The following USP30 variants were observed in gnomAD, a reference collection of about 807,000 sequenced individuals.
USP30 encodes ubiquitin carboxyl-terminal hydrolase 30.
Under a neutral mutation model 68.2 loss-of-function variants are expected in USP30, and 41 were observed. The observed-to-expected ratio is 0.60, with a 90% CI of 0.47 to 0.78. The LOEUF is 0.78. USP30 is among the 30% of genes least tolerant of loss of function. USP30 has a pLI of 0.00. For missense variants in USP30, 522 were observed against 649.4 expected, an observed-to-expected ratio of 0.80 and a Z score of 2.13; for synonymous variants, 229 against 253.7, an observed-to-expected ratio of 0.90 and a Z score of 0.93.
chr12:109,075,797 G>GAC (rs2041583589), intron 7 of USP30, among the ~76,000 whole-genome samples: 1 of 146,878 alleles, frequency 6.8e-6, no homozygotes, highest in African/African-American at 2.5e-5. Flanking sequence ...TTTGCAAAGT[G>GAC]TCTGTTCAGC....
chr12:109,081,643 A>G, intron 8 of USP30: 1 of 593,726 alleles, frequency 1.7e-6, no homozygotes. Context: ...ACACACACAC[A>G]CACACACACA....
intron 12 of USP30, among the ~76,000 whole-genome samples, chr12:109,085,433 CACAT>C (rs770704525): frequency 7.6e-4 from 116 of 152,266 alleles, no homozygotes; most frequent in Middle Eastern, 3.4e-3. Flanking sequence ...TGTACATAAA[CACAT>C]ACACTCATTG....
At chr12:109,042,081 T>A (rs1026344313) in intron 3 of USP30, among the ~76,000 whole-genome samples, 1 of 151,694 alleles carries the variant, frequency 6.6e-6, no homozygotes, top group African/African-American at 2.4e-5. Flanking sequence ...AAGAGGCATA[T>A]CCTTTTAGTC....
Position 109,057,911 on chromosome 12 carries a change from C to T in USP30, c.194-15C>T, listed in dbSNP as rs2040924980. 1 of 1,608,876 alleles carries T rather than the reference C, an allele frequency of 6.2e-7. No individual in the cohort carries two copies. Among genetic ancestry groups the T allele is most frequent in the Admixed American group, 1.7e-5 (1 of 58,850 alleles). ...GTGATATACTGTTCTCTTCTTCCCC[C>T]TGCTTTTTTTTTAGGGCTTGTGCCT... On this transcript the variant is annotated splice_polypyrimidine_tract_variant and intron_variant, in intron 2 of 12. Transcript: ENST00000257548.
At chr12:109,042,030 T>C (rs899337555) in intron 3 of USP30, among the ~76,000 whole-genome samples, 3 of 152,154 alleles carry the variant, frequency 2.0e-5, no homozygotes, top group African/African-American at 7.2e-5. Flanking sequence ...TTAAAATTAC[T>C]AGTAATTTTA....
At chr12:109,081,255 C>T in intron 7 of USP30, 79 bp from the exon 8 acceptor site, 1 of 1,350,066 alleles carries the variant, frequency 7.4e-7, no homozygotes, top group Non-Finnish European at 1.1e-6. Context: ...TAAACTGTTT[C>T]ATAGTCACAT....
At position 109,054,285 on chromosome 12, in the gene USP30, C is replaced by T. The variant is rs185108006; in HGVS notation, c.83+1524C>T. ...CCTGTAATCCCAGCTCTTTGGAAGG[C>T]TGAGGCAGGTGGATTTCTTGAGCTC... On this transcript the variant is annotated intron_variant, in intron 1 of 12. Transcript: ENST00000257548. Among the ~76,000 whole-genome samples the T allele has an allele frequency of 3.3e-3, 504 of 152,282 alleles. 5 individuals carry two copies. The highest frequency in any genetic ancestry group is 0.021 in the South Asian group (103 of 4,830).
intron 7 of USP30, 127 bp downstream of exon 7, chr12:109,073,659 A>C (rs564452304): frequency 5.2e-6 from 4 of 772,384 alleles, no homozygotes; most frequent in Non-Finnish European, 8.5e-6. Context: ...TCTGCACACT[A>C]GTGGACTGAC....
At chr12:109,077,827 G>GC (rs1001314737) in intron 7 of USP30, among the ~76,000 whole-genome samples, 3 of 151,796 alleles carry the variant, frequency 2.0e-5, no homozygotes, top group African/African-American at 7.3e-5. Flanking sequence ...GTTTGTGTTG[G>GC]GGGGGGAGGG....
intron 12 of USP30, 56 bp from the exon 13 acceptor site, chr12:109,085,611 C>A: frequency 6.3e-7 from 1 of 1,590,656 alleles, no homozygotes; most frequent in South Asian, 1.1e-5. Context: ...TTGTTTTTGC[C>A]TATAAAGTCT....
intron 3 of USP30, among the ~76,000 whole-genome samples, chr12:109,033,575 G>A (rs2040497295): frequency 2.6e-5 from 4 of 151,990 alleles, no homozygotes; most frequent in African/African-American, 9.7e-5. Context: ...GTTTCAGTTG[G>A]GTATGACAAG....
chr12:109,024,507 C>T (rs2040429744), intron 1 of USP30, among the ~76,000 whole-genome samples: 1 of 152,200 alleles, frequency 6.6e-6, no homozygotes, highest in African/African-American at 2.4e-5. Context: ...ATCAACCTGC[C>T]TCGGCCTCCC....
intron 3 of USP30, among the ~76,000 whole-genome samples, chr12:109,034,408 G>A (rs2040504025): frequency 6.6e-6 from 1 of 152,112 alleles, no homozygotes; most frequent in Admixed American, 6.6e-5. Flanking sequence ...CTTGAGGAAT[G>A]TTTCATAAGC....
intron 7 of USP30, among the ~76,000 whole-genome samples, chr12:109,079,903 T>G (rs1223886178): frequency 6.6e-6 from 1 of 152,218 alleles, no homozygotes; most frequent in African/African-American, 2.4e-5. Flanking sequence ...TGTTTGGTAA[T>G]TTTTTATTGT....
In USP30 at chr12:109,069,592, A is replaced by G. The variant is rs566290446; in HGVS notation, c.480+1965A>G. 1.4e-4 allele frequency among the ~76,000 whole-genome samples: 22 copies of G among 152,354 alleles called. No homozygotes were observed. The East Asian group carries it at 2.3e-3, about 16-fold the overall frequency. On this transcript the variant is annotated intron_variant, in intron 4 of 12. Coordinates refer to ENST00000257548, the MANE Select transcript of USP30 (RefSeq NM_032663.5). ...CCTGGGGTGGGGACTGTCGAGGGCAATGGAGTCGTAGCAGCAGACATGACT... is the reference window on the plus strand; with the variant it reads ...CCTGGGGTGGGGACTGTCGAGGGCAGTGGAGTCGTAGCAGCAGACATGACT...
Position 109,070,144 on chromosome 12 carries a change from G to A in USP30, c.481-1468G>A, listed in dbSNP as rs1271078928. Among the ~76,000 whole-genome samples, 2 of 152,136 alleles carry A rather than the reference G, an allele frequency of 1.3e-5. No homozygotes were observed. Among genetic ancestry groups the A allele is most frequent in the Admixed American group, 6.5e-5 (1 of 15,278 alleles). Reference sequence around the variant, plus strand: ...TCTGACTTGTTAGAAAAGGAAGGCTGGAGGGGCAAGAATGCAAGCCGAGAG... The same window carrying A: ...TCTGACTTGTTAGAAAAGGAAGGCTAGAGGGGCAAGAATGCAAGCCGAGAG... On this transcript the variant is annotated intron_variant, in intron 4 of 12. Coordinates refer to ENST00000257548, the MANE Select transcript of USP30 (RefSeq NM_032663.5). The surrounding 1 kb of genome is among the most constrained non-coding windows in gnomAD (Gnocchi z 4.0).
chr12:109,039,022 A>C (rs2040542991), intron 3 of USP30, among the ~76,000 whole-genome samples: 1 of 152,190 alleles, frequency 6.6e-6, no homozygotes, highest in Non-Finnish European at 1.5e-5. Flanking sequence ...TGTTAGATAT[A>C]TGTATTATAA....
intron 3 of USP30, among the ~76,000 whole-genome samples, chr12:109,028,712 G>A (rs530393756): frequency 6.6e-6 from 1 of 151,988 alleles, no homozygotes; most frequent in Non-Finnish European, 1.5e-5. Flanking sequence ...CCTGACCTCA[G>A]GTGATCCACC....
intron 3 of USP30, among the ~76,000 whole-genome samples, chr12:109,028,050 A>T (rs1176700825): frequency 6.6e-6 from 1 of 152,184 alleles, no homozygotes; most frequent in African/African-American, 2.4e-5. Context: ...ATTCTCCTCA[A>T]CACTTGTTGA....
Sources: allele counts gnomAD v4.1 joint callset (sites outside exome capture counted in the v4.1 genomes callset), GRCh38; gene constraint gnomAD v4.1.1; non-coding constraint Gnocchi (gnomAD v3.1); transcripts MANE v1.5; gene names NCBI Gene and HGNC (gene_info 2026-07-23, HGNC 2026-07-21).